FAN1: variants seen among roughly 807,000 people sequenced by gnomAD.
FAN1 encodes fanconi-associated nuclease 1.
A neutral mutation model predicts 104.9 loss-of-function variants in FAN1; 91 were observed. The ratio of observed to expected loss-of-function variants is 0.87; its 90% confidence interval spans 0.73 to 1.03. FAN1 has a LOEUF of 1.03. Among genes scored for constraint, FAN1 ranks in the 50% least tolerant of loss-of-function variants. The pLI, the probability that FAN1 is intolerant of heterozygous loss-of-function variation, is 0.00. For synonymous variants in FAN1, 478 were observed against 457.6 expected, an observed-to-expected ratio of 1.04 and a Z score of -0.57; for missense variants, 1,263 against 1,239.9, an observed-to-expected ratio of 1.02 and a Z score of -0.28.
chr15:30,911,480 C>T, intron 4 of FAN1: 1 of 983,928 alleles, frequency 1.0e-6, no homozygotes, highest in South Asian at 4.7e-5. Flanking sequence ...ATGAGCCCAT[C>T]CTTGTTGGGG....
chr15:30,941,048 A>G (rs1001536760), intron 14 of FAN1: 20 of 1,179,474 alleles, frequency 1.7e-5, no homozygotes, highest in South Asian at 1.1e-4. Flanking sequence ...ATACATGAAT[A>G]CTTCCTAAAA....
chr15:30,940,010 C>T (rs1441112500), intron 14 of FAN1: 1 of 975,468 alleles, frequency 1.0e-6, no homozygotes, highest in Non-Finnish European at 1.2e-6. Context: ...CAAAAAGAAA[C>T]AGCTATTCAG....
intron 14 of FAN1, among the ~76,000 whole-genome samples, chr15:30,938,515 GTATTTTCTCTGTT>G (rs2140975690): frequency 6.6e-6 from 1 of 152,220 alleles, no homozygotes; most frequent in South Asian, 2.1e-4. Context: ...CTAGATAGGG[GTATTTTCTCTGTT>G]GACAGTACAG....
intron 4 of FAN1, among the ~76,000 whole-genome samples, chr15:30,912,591 G>A (rs1212181646): frequency 6.6e-6 from 1 of 152,152 alleles, no homozygotes. Flanking sequence ...CTCCATGATG[G>A]TGGCACTCAT....
chr15:30,940,581 G>T, intron 14 of FAN1: 1 of 985,444 alleles, frequency 1.0e-6, no homozygotes, highest in Non-Finnish European at 1.2e-6. Context: ...AGCCTTGTTT[G>T]TTTTTGAGGG....
chr15:30,918,085 T>G, intron 5 of FAN1, 79 bp from the exon 6 acceptor site: 372 of 1,374,198 alleles, frequency 2.7e-4, no homozygotes, highest in Non-Finnish European at 3.4e-4. Flanking sequence ...CCTTTCAGAG[T>G]GAGATCTAGT....
In FAN1 at chr15:30,929,371, C is replaced by T. The variant is rs117225217; in HGVS notation, c.2761C>T (p.Arg921Cys). The T allele has an allele frequency of 2.0e-4, 325 of 1,607,520 alleles. 2 individuals are homozygous for T. In the East Asian group the frequency reaches 5.9e-3, roughly 29 times the overall value. ...GRVASLVSWDRFTSLQQAQDL... is the reference protein window; with the variant it reads ...GRVASLVSWDCFTSLQQAQDL... ...AGTGGCTTCCCTTGTCAGCTGGGAT[C>T]GCTTCACGTCTCTTCAGCAAGCTCA... is the stretch of plus-strand genomic sequence containing the variant. The change falls in exon 12 of 15, where the codon CGC becomes TGC. Residue 921 changes from arginine (R) to cysteine (C), a missense_variant. By Grantham distance (180) the Arg-to-Cys change is radical. Transcript: ENST00000362065.
chr15:30,909,715 A>G (rs897332862), intron 3 of FAN1, among the ~76,000 whole-genome samples: 18 of 152,122 alleles, frequency 1.2e-4, no homozygotes, highest in African/African-American at 4.1e-4. Flanking sequence ...CTTCACCAGG[A>G]TGAGTGCATT....
At chr15:30,939,636 CAAT>C (rs1185740543) in intron 14 of FAN1, 9 of 907,378 alleles carry the variant, frequency 9.9e-6, no homozygotes, top group African/African-American at 2.0e-5. Flanking sequence ...AAATTAACAA[CAAT>C]AAAATACTAC....
Position 30,929,202 on chromosome 15 carries a change from G to C in FAN1, c.2593-1G>C, listed in dbSNP as rs776149885. On this transcript the variant is annotated splice_acceptor_variant, in intron 11 of 14. Coordinates refer to ENST00000362065, the MANE Select transcript of FAN1 (RefSeq NM_014967.5). LOFTEE classifies it high-confidence loss of function. ...GACAGCTTGCTTTCCCTGTGACACA[G>C]GCATTCCCCCTGGACTTGTGCACAG... 1 of 1,610,766 alleles carries C rather than the reference G, an allele frequency of 6.2e-7. No individual in the cohort carries two copies. Among genetic ancestry groups the C allele is most frequent in the Non-Finnish European group, 8.5e-7 (1 of 1,178,854 alleles).
Position 30,941,625 on chromosome 15 carries a change from C to G in FAN1, c.*63C>G. ...AGAAACTCCGGTGTCCCCGAGGTGT[C>G]GGTGTGGTGAGGGCCGCTGGCGTTG... On this transcript the variant is annotated 3_prime_UTR_variant, in exon 15 of 15. Coordinates refer to ENST00000362065, the MANE Select transcript of FAN1 (RefSeq NM_014967.5). 2 of 1,605,476 alleles carry G rather than the reference C, an allele frequency of 1.2e-6. No homozygotes were observed. Among genetic ancestry groups the G allele is most frequent in the Non-Finnish European group, 1.7e-6 (2 of 1,175,802 alleles).
chr15:30,924,420 C>G (rs547711940), intron 8 of FAN1, among the ~76,000 whole-genome samples: 1 of 152,282 alleles, frequency 6.6e-6, no homozygotes, highest in South Asian at 2.1e-4. Flanking sequence ...CTGTTTTTCA[C>G]AGTGTTTACA....
chr15:30,939,163 T>G, intron 14 of FAN1: 1 of 985,374 alleles, frequency 1.0e-6, no homozygotes, highest in Non-Finnish European at 1.2e-6. Context: ...TCACCCTCTG[T>G]TAGTACAAAT....
At chr15:30,937,764 G>C (rs149186662) in intron 14 of FAN1, among the ~76,000 whole-genome samples, 7 of 151,736 alleles carry the variant, frequency 4.6e-5, no homozygotes, top group African/African-American at 1.5e-4. Flanking sequence ...AGCTCATAAT[G>C]AACTTTTTTA....
chr15:30,932,561 A>G (rs1032036240), intron 13 of FAN1, among the ~76,000 whole-genome samples: 1 of 152,064 alleles, frequency 6.6e-6, no homozygotes, highest in Non-Finnish European at 1.5e-5. Context: ...GGGGGAGGAA[A>G]ATTTAAAGCT....
In FAN1 at chr15:30,905,417, G is replaced by A. The variant is rs1167395911; in HGVS notation, c.754G>A (p.Ala252Thr). The A allele has an allele frequency of 6.2e-7, 1 of 1,614,132 alleles. No homozygotes were observed. The highest frequency in any genetic ancestry group is 1.7e-5 in the Admixed American group (1 of 60,024). Residue 252 changes from alanine to threonine, a missense_variant, in exon 2 of 15, where the codon GCC becomes ACC. By Grantham distance (58) the Ala-to-Thr change is moderately conservative. Coordinates refer to ENST00000362065, the MANE Select transcript of FAN1 (RefSeq NM_014967.5). ...QKATRECEKS[A>T]LTPGFSDNAI... ...GGCTACCCGGGAATGTGAGAAATCA[G>A]CCCTCACCCCTGGATTCTCAGATAA...
chr15:30,941,950 C>G lies in FAN1; in HGVS notation c.*388C>G. On this transcript the variant is annotated 3_prime_UTR_variant, in exon 15 of 15. Transcript: ENST00000362065. ...TATCACTGTTCTGGCTGTCGGTTTG[C>G]TGAGCTGGATCTGGCTTTGGTTTTA... The G allele has an allele frequency of 6.2e-6, 10 of 1,614,026 alleles. No individual in the cohort carries two copies. Among genetic ancestry groups the G allele is most frequent in the Non-Finnish European group, 8.5e-6 (10 of 1,179,898 alleles).
At chr15:30,926,848 C>T in intron 10 of FAN1, 1 of 985,424 alleles carries the variant, frequency 1.0e-6, no homozygotes, top group Non-Finnish European at 1.2e-6. Context: ...CTATTTTTCC[C>T]TGATTAAAAT....
At chr15:30,940,325 TCTC>T (rs2062998701) in intron 14 of FAN1, 6 of 985,408 alleles carry the variant, frequency 6.1e-6, no homozygotes, top group African/African-American at 5.2e-5. Flanking sequence ...GTCTGCTCAT[TCTC>T]CTCAACTTTG....
Sources: gnomAD v4.1 joint callset for allele counts (sites outside exome capture counted in the v4.1 genomes callset) on GRCh38, gnomAD v4.1.1 for gene constraint, MANE v1.5 for transcripts, NCBI Gene and HGNC (gene_info 2026-07-23, HGNC 2026-07-21) for gene names.